Variants in STRBP observed in about 807,000 individuals in gnomAD.
STRBP encodes the protein spermatid perinuclear RNA-binding protein.
In STRBP, 13 loss-of-function variants were observed where a neutral mutation model predicts 80.1. That is an observed-to-expected ratio of 0.16 (90% confidence interval 0.11 to 0.26). STRBP has a LOEUF of 0.26. Ranked by LOEUF, STRBP falls within the 10% of genes least tolerant of loss-of-function variation. The pLI is 1.00. For synonymous variants in STRBP, 284 were observed against 291.2 expected (o/e 0.98, Z 0.25); for missense variants, 485 against 815.2 (o/e 0.59, Z 4.93).
At chr9:123,249,705 C>G (rs558916816) in intron 1 of STRBP, among the ~76,000 whole-genome samples, 1 of 151,998 alleles carries the variant, frequency 6.6e-6, no homozygotes, top group African/African-American at 2.4e-5. Flanking sequence ...ATAAAGCAAC[C>G]GAGTCACTCC....
intron 2 of STRBP, among the ~76,000 whole-genome samples, chr9:123,202,542 T>C (rs1471479694): frequency 1.3e-5 from 2 of 152,246 alleles, no homozygotes; most frequent in Non-Finnish European, 2.9e-5. Flanking sequence ...CCCTAATCTC[T>C]TTTGGCTTGT....
intron 17 of STRBP, among the ~76,000 whole-genome samples, chr9:123,129,371 TAAC>T (rs945719738): frequency 8.5e-5 from 13 of 152,096 alleles, no homozygotes; most frequent in African/African-American, 1.9e-4. Flanking sequence ...ATAATAATAA[TAAC>T]AACAACTTAT....
At chr9:123,243,339 T>C (rs1310998123) in intron 1 of STRBP, among the ~76,000 whole-genome samples, 1 of 148,408 alleles carries the variant, frequency 6.7e-6, no homozygotes, top group Non-Finnish European at 1.5e-5. Flanking sequence ...TAATTTGAAA[T>C]GAATCACAGA....
At chr9:123,261,269 T>G (rs996850213) in intron 1 of STRBP, among the ~76,000 whole-genome samples, 4 of 152,190 alleles carry the variant, frequency 2.6e-5, no homozygotes, top group African/African-American at 7.2e-5. Context: ...ATGAAAAGAC[T>G]TGTGTACTCA....
chr9:123,221,308 G>A (rs2040059158), intron 2 of STRBP, among the ~76,000 whole-genome samples: 1 of 152,196 alleles, frequency 6.6e-6, no homozygotes, highest in East Asian at 1.9e-4. Flanking sequence ...CACGGGTGGT[G>A]GCAAAAGACA....
chr9:123,154,674 G>A (rs891118441), intron 11 of STRBP, among the ~76,000 whole-genome samples: 1 of 152,162 alleles, frequency 6.6e-6, no homozygotes, highest in Non-Finnish European at 1.5e-5. Context: ...AAATGTTGCT[G>A]AAAATGGCTA....
chr9:123,182,810 C>G (rs778422465), intron 3 of STRBP, among the ~76,000 whole-genome samples: 12 of 151,940 alleles, frequency 7.9e-5, no homozygotes, highest in Non-Finnish European at 1.8e-4. Context: ...CAAGGCGTTC[C>G]AGACCAGCCT....
intron 17 of STRBP, among the ~76,000 whole-genome samples, chr9:123,131,887 C>G (rs187500769): frequency 1.0e-3 from 154 of 152,272 alleles, no homozygotes; most frequent in African/African-American, 3.6e-3. Context: ...GAGGAAAGCA[C>G]AAAGTGAACC....
rs771688607 is a variant in STRBP at position 123,136,484 on chromosome 9, C to T, written c.1529G>A (p.Ser510Asn). The T allele has an allele frequency of 6.2e-7, 1 of 1,614,096 alleles. No homozygotes were observed. Among genetic ancestry groups the T allele is most frequent in the Non-Finnish European group, 8.5e-7 (1 of 1,180,008 alleles). The change falls in exon 15 of 19, where the codon AGT becomes AAT. Residue 510 changes from serine (S) to asparagine (N), a missense_variant. Physicochemically the swap from Ser to Asn is conservative, Grantham distance 46. This residue lies in a region of STRBP where 377 missense variants were observed against 616.1 expected (regional missense o/e 0.61). Transcript: ENST00000348403. This position sits in a 1 kb window ranked among gnomAD's most constrained non-coding sequence, Gnocchi z 4.2. ...VRTQGPILTA[S>N]GKNPVMELNE... ...GAGCTCCATTACAGGGTTTTTGCCA[C>T]TTGCTGTGAGGATAGGGCCCTGAGT... is the stretch of plus-strand genomic sequence containing the variant.
chr9:123,125,339 T>A lies in STRBP; in HGVS notation c.*258A>T. 1 of 1,151,506 alleles carries A rather than the reference T, an allele frequency of 8.7e-7. No individual in the cohort carries two copies. The highest frequency in any genetic ancestry group is 1.1e-6 in the Non-Finnish European group (1 of 937,170). 71.3% of individuals were successfully genotyped at this position (1,151,506 alleles called of 1,614,324 possible). On this transcript the variant is annotated 3_prime_UTR_variant, in exon 19 of 19. Coordinates refer to ENST00000348403, the MANE Select transcript of STRBP (RefSeq NM_018387.5). ...TAAACTTTGAACTGCTAGACTTTTA[T>A]TTCCCTAGAACAGAAGGGCTGGTAT...
intron 2 of STRBP, among the ~76,000 whole-genome samples, chr9:123,190,262 G>A (rs1047677677): frequency 6.6e-6 from 1 of 150,888 alleles, no homozygotes; most frequent in Non-Finnish European, 1.5e-5. Flanking sequence ...CCTGGGCAAC[G>A]GAGTGAGACT....
chr9:123,132,800 T>C (rs1564218751), intron 17 of STRBP, 45 bp downstream of exon 17: 1 of 1,606,152 alleles, frequency 6.2e-7, no homozygotes, highest in Non-Finnish European at 8.5e-7. Context: ...TTCTTTGAAT[T>C]TCGGCCCAGT....
At chr9:123,198,811 T>C (rs974841416) in intron 2 of STRBP, among the ~76,000 whole-genome samples, 1 of 152,340 alleles carries the variant, frequency 6.6e-6, no homozygotes, top group African/African-American at 2.4e-5. Context: ...TACATGTAGC[T>C]TGCCAATTTT....
chr9:123,167,065 A>G (rs2037798032), intron 6 of STRBP, among the ~76,000 whole-genome samples: 1 of 152,198 alleles, frequency 6.6e-6, no homozygotes, highest in Non-Finnish European at 1.5e-5. Context: ...TCCTGAGGAA[A>G]TAAGTTTCAT....
intron 1 of STRBP, among the ~76,000 whole-genome samples, chr9:123,250,136 A>C (rs2040881292): frequency 6.6e-6 from 1 of 152,256 alleles, no homozygotes; most frequent in Non-Finnish European, 1.5e-5. Flanking sequence ...TCAAAGAAGA[A>C]TATCCAAAAT....
chr9:123,147,692 A>AC, intron 12 of STRBP, 86 bp downstream of exon 12: 2 of 1,148,074 alleles, frequency 1.7e-6, no homozygotes, highest in Non-Finnish European at 1.2e-6. Context: ...AAAAAAAAAA[A>AC]AAAAAAACCC....
At chr9:123,267,708 G>A (rs1013210285) in intron 1 of STRBP, among the ~76,000 whole-genome samples, 2 of 144,990 alleles carry the variant, frequency 1.4e-5, no homozygotes, top group Non-Finnish European at 3.0e-5. Context: ...CCCCTTCACG[G>A]GCGTCCCGGT....
chr9:123,112,272 C>T (rs1472845263), intron 3 of STRBP: 2 of 167,262 alleles, frequency 1.2e-5, no homozygotes, highest in Non-Finnish European at 2.9e-5. Context: ...CCTCCCAGCT[C>T]AGGCAGAGGG....
At chr9:123,264,402 A>G (rs80042908) in intron 1 of STRBP, among the ~76,000 whole-genome samples, 2 of 152,250 alleles carry the variant, frequency 1.3e-5, no homozygotes, top group Admixed American at 1.3e-4. Context: ...TCTCTTTCAC[A>G]TAAGTTTCAT....
Sources: allele counts gnomAD v4.1 joint callset (sites outside exome capture counted in the v4.1 genomes callset), GRCh38; gene constraint gnomAD v4.1.1; regional missense constraint gnomAD v4.1.1; non-coding constraint Gnocchi (gnomAD v3.1); transcripts MANE v1.5; gene names NCBI Gene and HGNC (gene_info 2026-07-23, HGNC 2026-07-21).